The following PRSS37 variants were observed in gnomAD, a reference collection of about 807,000 sequenced individuals.
PRSS37 encodes the protein serine protease 37.
Under a neutral mutation model 28.0 loss-of-function variants are expected in PRSS37, and 25 were observed. The ratio of observed to expected loss-of-function variants is 0.89; its 90% CI spans 0.65 to 1.25. The LOEUF is 1.25. Ranked by LOEUF, PRSS37 falls within the 50% of genes most tolerant of loss-of-function variation. PRSS37 has a pLI of 0.00. For missense variants in PRSS37, 282 were observed against 292.2 expected (o/e 0.97, Z 0.25); for synonymous variants, 109 against 107.8 (o/e 1.01, Z -0.07).
intron 4 of PRSS37, 31 bp from the exon 5 acceptor site, chr7:141,836,566 A>G: frequency 6.2e-7 from 1 of 1,612,180 alleles, no homozygotes; most frequent in Non-Finnish European, 8.5e-7. Flanking sequence ...AGAGAGAGAG[A>G]GAGAGAGTAA....
chr7:141,840,870 G>A (rs1801128825), intron 1 of PRSS37, 146 bp downstream of exon 1: 3 of 767,244 alleles, frequency 3.9e-6, no homozygotes, highest in Non-Finnish European at 6.4e-6. Flanking sequence ...AGAGCCTTTG[G>A]ATGGAGTCTG....
Position 141,836,527 on chromosome 7 carries a change from G to A in PRSS37, c.576C>T (p.Ala192=), listed in dbSNP as rs114057392. 822 of 1,613,890 alleles carry A rather than the reference G, an allele frequency of 5.1e-4. 1 individual carries two copies. In the African/African-American group the frequency reaches 9.6e-3, roughly 19 times the overall value. The part of the protein sequence containing the change: ...KVFSRIFGEV[A]VATVICKDKL... The stretch of plus-strand genomic sequence containing the variant: ...TGTCTTTGCAGATGACAGTAGCAAC[G>A]GCCACCTCCTACCGGAGATCATGCA... The change falls in exon 5 of 5, where the codon GCC becomes GCT. Residue 192 remains alanine (A), a synonymous_variant. Coordinates refer to ENST00000350549, the MANE Select transcript of PRSS37 (RefSeq NM_001008270.3).
chr7:141,839,024 A>AT, intron 2 of PRSS37: 2 of 517,834 alleles, frequency 3.9e-6, no homozygotes, highest in African/African-American at 1.9e-5. Context: ...AAAAAAAAAA[A>AT]AGAAAAAAAC....
rs747400572 is a variant in PRSS37 at position 141,837,192 on chromosome 7, A to G, written c.487T>C (p.Cys163Arg). The G allele has an allele frequency of 6.2e-7, 1 of 1,613,130 alleles. No individual in the cohort carries two copies. Among genetic ancestry groups the G allele is most frequent in the Non-Finnish European group, 8.5e-7 (1 of 1,179,666 alleles). ...CTTTTTCCTTGTTCTGTTTTTTGGC[A>G]TTCTCGATCAGACATCACGGGGGCC... The part of the protein sequence containing the change: ...LEAPVMSDRE[C>R]QKTEQGKSHR... Residue 163 changes from cysteine (C) to arginine (R), a missense_variant, in exon 4 of 5, where the codon TGC becomes CGC. Cys to Arg is a radical substitution (Grantham distance 180, BLOSUM62 -3). Transcript: ENST00000350549.
chr7:141,836,316 T>C lies in PRSS37; in HGVS notation c.*79A>G. The C allele has an allele frequency of 6.7e-7, 1 of 1,484,786 alleles. No individual in the cohort carries two copies. The highest frequency in any genetic ancestry group is 2.3e-5 in the East Asian group (1 of 43,646). The allele number at this position is 1,484,786 out of a possible 1,614,324, so 92.0% of individuals were successfully genotyped here. ...ATTCCCAAATTTTCATTTGGAGATT[T>C]TATTTTGAATAGAGGGAAAATTATC... is the stretch of plus-strand genomic sequence containing the variant. On this transcript the variant is annotated 3_prime_UTR_variant, in exon 5 of 5. Coordinates refer to ENST00000350549, the MANE Select transcript of PRSS37 (RefSeq NM_001008270.3).
intron 2 of PRSS37, chr7:141,839,012 T>TAA (rs36029840): frequency 4.0e-4 from 183 of 461,614 alleles, no homozygotes; most frequent in East Asian, 1.3e-3. Flanking sequence ...ATACTGCCAG[T>TAA]AAAAAAAAAA....
intron 1 of PRSS37, among the ~76,000 whole-genome samples, chr7:141,839,826 C>A (rs1429286032): frequency 2.6e-5 from 4 of 151,944 alleles, no homozygotes; most frequent in Non-Finnish European, 4.4e-5. Flanking sequence ...ATTCCAACCC[C>A]AAGAATCCAT....
chr7:141,837,713 T>C (rs1801008442), intron 3 of PRSS37, 147 bp downstream of exon 3: 2 of 1,543,108 alleles, frequency 1.3e-6, no homozygotes, highest in East Asian at 4.6e-5. Flanking sequence ...TCTGGGCAGG[T>C]CTCTGTTTGC....
chr7:141,837,845 G>A lies in PRSS37; in HGVS notation c.430+15C>T. On this transcript the variant is annotated intron_variant, in intron 3 of 4. Coordinates refer to ENST00000350549, the MANE Select transcript of PRSS37 (RefSeq NM_001008270.3). ...ACAACTGATGACCCTGATTTGCTGT[G>A]GAAGGCACACTTACCACTGTTTTCT... The A allele has an allele frequency of 6.2e-7, 1 of 1,602,342 alleles. No individual in the cohort carries two copies. The highest frequency in any genetic ancestry group is 8.5e-7 in the Non-Finnish European group (1 of 1,172,562).
chr7:141,837,113 C>G lies in PRSS37; in HGVS notation c.566G>C (p.Gly189Ala), dbSNP rs768529930. 6.2e-7 allele frequency: 1 copy of G among 1,612,210 alleles called. No individual in the cohort carries two copies. The highest frequency in any genetic ancestry group is 2.2e-5 in the East Asian group (1 of 44,762). ...AGCTGAATATAGAGATAAGATTACC[C>G]CAAAAATTCGGCTGAATACTTTCAC... is the stretch of plus-strand genomic sequence containing the variant. ...KFVKVFSRIFGEVAVATVICK... is the reference protein window; with the variant it reads ...KFVKVFSRIFAEVAVATVICK... The change falls in exon 4 of 5, where the codon GGG becomes GCG. Residue 189 changes from glycine to alanine, a missense_variant and splice_region_variant. Coordinates refer to ENST00000350549, the MANE Select transcript of PRSS37 (RefSeq NM_001008270.3).
At position 141,837,863 on chromosome 7, in the gene PRSS37, T is replaced by G; in HGVS notation, c.427A>C (p.Ser143Arg). 6.2e-7 allele frequency: 1 copy of G among 1,609,108 alleles called. No homozygotes were observed. Among genetic ancestry groups the G allele is most frequent in the African/African-American group, 1.3e-5 (1 of 74,962 alleles). The change falls in exon 3 of 5, where the codon AGT becomes CGT. Residue 143 changes from serine to arginine, a missense_variant. Physicochemically the swap from Ser to Arg is moderately radical, Grantham distance 110 (BLOSUM62 -1). Coordinates refer to ENST00000350549, the MANE Select transcript of PRSS37 (RefSeq NM_001008270.3). The part of the protein sequence containing the change: ...LSGLDWSQEN[S>R]GRHPDLRQNL... ...TTGCTGTGGAAGGCACACTTACCAC[T>G]GTTTTCTTGGCTCCAGTCCAAACCT... is the stretch of plus-strand genomic sequence containing the variant.
At chr7:141,839,181 C>T (rs1448082271) in intron 2 of PRSS37, among the ~76,000 whole-genome samples, 157 bp downstream of exon 2, 17 of 152,162 alleles carry the variant, frequency 1.1e-4, no homozygotes, top group Admixed American at 1.1e-3. Context: ...AGCCTCTCCC[C>T]ATTAGATGCC....
At chr7:141,838,158 CATT>C (rs1332715072) in intron 2 of PRSS37, 45 bp from the exon 3 acceptor site, 3 of 1,608,652 alleles carry the variant, frequency 1.9e-6, no homozygotes, top group Non-Finnish European at 2.6e-6. Flanking sequence ...TCATCATCAT[CATT>C]GCTAAGATAC....
chr7:141,839,025 A>G, intron 2 of PRSS37: 1 of 516,054 alleles, frequency 1.9e-6, no homozygotes, highest in East Asian at 5.0e-5. Context: ...AAAAAAAAAA[A>G]GAAAAAAACT....
At position 141,837,243 on chromosome 7, in the gene PRSS37, G is replaced by A; in HGVS notation, c.436C>T (p.His146Tyr). The part of the protein sequence containing the change: ...LDWSQENSGR[H>Y]PDLRQNLEAP... ...TCCAGGTTCTGCCGCAAGTCAGGGT[G>A]TCGGCCTGAGGGAGACGGGGATAAA... The change falls in exon 4 of 5, where the codon CAC (histidine) becomes TAC (tyrosine). Residue 146 changes from histidine (H) to tyrosine (Y), a missense_variant. Transcript: ENST00000350549. 6.2e-7 allele frequency: 1 copy of A among 1,602,872 alleles called. No homozygotes were observed. Among genetic ancestry groups the A allele is most frequent in the South Asian group, 1.1e-5 (1 of 88,742 alleles).
At chr7:141,838,873 A>G (rs1025640825) in intron 2 of PRSS37, 2 of 421,586 alleles carry the variant, frequency 4.7e-6, no homozygotes, top group Non-Finnish European at 9.3e-6. Flanking sequence ...GTATGGAACT[A>G]TTCTTAATAT....
intron 2 of PRSS37, 119 bp downstream of exon 2, chr7:141,839,219 C>A: frequency 3.7e-6 from 4 of 1,084,058 alleles, no homozygotes; most frequent in Non-Finnish European, 5.3e-6. Context: ...GTTGTGACAA[C>A]CAAAAATATC....
Position 141,837,229 on chromosome 7 carries a change from C to CCGCAAGT in PRSS37, c.443_449dup (p.Gln151LeufsTer12), listed in dbSNP as rs759641832. 400 of 1,607,220 alleles carry CCGCAAGT rather than the reference C, an allele frequency of 2.5e-4. 2 individuals carry two copies. Among genetic ancestry groups the CCGCAAGT allele is most frequent in the Admixed American group, 5.1e-4 (30 of 58,384 alleles). ...ACATCACGGGGGCCTCCAGGTTCTG[C>CCGCAAGT]CGCAAGTCAGGGTGTCGGCCTGAGG... On this transcript the variant is annotated frameshift_variant, in exon 4 of 5. Transcript: ENST00000350549. LOFTEE classifies it high-confidence loss of function.
chr7:141,837,626 C>T, intron 3 of PRSS37: 2 of 1,516,430 alleles, frequency 1.3e-6, no homozygotes, highest in Non-Finnish European at 1.8e-6. Flanking sequence ...AGTCAGATGG[C>T]CTGGTGGCTC....
Sources: allele counts gnomAD v4.1 joint callset (sites outside exome capture counted in the v4.1 genomes callset), GRCh38; gene constraint gnomAD v4.1.1; transcripts MANE v1.5; gene names NCBI Gene and HGNC (gene_info 2026-07-23, HGNC 2026-07-21).